CNTNAP2: variants seen among roughly 807,000 people sequenced by gnomAD.
CNTNAP2 encodes contactin-associated protein-like 2.
In CNTNAP2, 98 loss-of-function variants were observed where a neutral mutation model predicts 155.2. The ratio of observed to expected loss-of-function variants is 0.63; its 90% CI spans 0.54 to 0.75. CNTNAP2 has a LOEUF of 0.75. Ranked by LOEUF, CNTNAP2 falls within the 30% of genes least tolerant of loss-of-function variation. CNTNAP2 has a pLI of 0.00. For synonymous variants in CNTNAP2, 651 were observed against 631.2 expected (o/e 1.03, Z -0.47); for missense variants, 1,727 against 1,688.1 (o/e 1.02, Z -0.40).
intron 12 of CNTNAP2, among the ~76,000 whole-genome samples, chr7:147,613,273 T>C (rs149567248): frequency 6.6e-6 from 1 of 152,362 alleles, no homozygotes; most frequent in African/African-American, 2.4e-5. Context: ...TGATTAACCA[T>C]GTGGTTTACC....
chr7:148,079,211 C>T (rs1803551671), intron 15 of CNTNAP2, among the ~76,000 whole-genome samples: 1 of 152,166 alleles, frequency 6.6e-6, no homozygotes, highest in Non-Finnish European at 1.5e-5. Context: ...CGGGCTACAG[C>T]TTGGTTTTAT....
chr7:148,358,201 G>T (rs1798553803), intron 21 of CNTNAP2, among the ~76,000 whole-genome samples: 2 of 152,154 alleles, frequency 1.3e-5, no homozygotes, highest in South Asian at 4.2e-4. Flanking sequence ...AAGCAGGGTG[G>T]GTCAGAGCAC....
intron 1 of CNTNAP2, among the ~76,000 whole-genome samples, chr7:146,736,572 C>T (rs1180501671): frequency 1.3e-5 from 2 of 152,156 alleles, no homozygotes; most frequent in Non-Finnish European, 2.9e-5. Context: ...ACTAACTTGA[C>T]TGTTAGTTGC....
At chr7:146,266,564 T>C (rs537234577) in intron 1 of CNTNAP2, among the ~76,000 whole-genome samples, 4 of 152,276 alleles carry the variant, frequency 2.6e-5, no homozygotes, top group East Asian at 1.9e-4. Flanking sequence ...AAAATTGTTT[T>C]TGTTATAAGC....
At chr7:148,320,678 C>A (rs1008056087) in intron 21 of CNTNAP2, among the ~76,000 whole-genome samples, 2 of 152,108 alleles carry the variant, frequency 1.3e-5, no homozygotes, top group African/African-American at 2.4e-5. Context: ...GCCACCACAC[C>A]CAGCCAACAA....
rs910237225 is a variant in CNTNAP2 at position 146,229,997 on chromosome 7, C to T, written c.97+113024C>T. Among the ~76,000 whole-genome samples the T allele has an allele frequency of 9.9e-5, 15 of 152,064 alleles. No individual in the cohort carries two copies. In the East Asian group the frequency reaches 1.5e-3, roughly 16 times the overall value. ...AATATATAAACAAGCATTGAGTAAA[C>T]GGCAAGAAGGATAAAAGGCATTTTT... On this transcript the variant is annotated intron_variant, in intron 1 of 23. Transcript: ENST00000361727.
chr7:146,717,149 A>G (rs1214607439), intron 1 of CNTNAP2, among the ~76,000 whole-genome samples: 4 of 152,112 alleles, frequency 2.6e-5, no homozygotes, highest in Admixed American at 6.6e-5. Context: ...TATTATTTAG[A>G]AATAGTCCAC....
chr7:147,974,800 A>G lies in CNTNAP2; in HGVS notation c.2256-3062A>G, dbSNP rs1016804011. ...AAACATGTGTACTTTATGACCCAGC[A>G]TTTCTACTTTTAGGTAAATGCTTGA... On this transcript the variant is annotated intron_variant, in intron 14 of 23. Coordinates refer to ENST00000361727, the MANE Select transcript of CNTNAP2 (RefSeq NM_014141.6). Among the ~76,000 whole-genome samples the G allele has an allele frequency of 6.6e-5, 10 of 152,130 alleles. No homozygotes were observed. In the South Asian group the frequency reaches 2.1e-3, roughly 32 times the overall value.
intron 1 of CNTNAP2, among the ~76,000 whole-genome samples, chr7:146,313,508 C>T (rs151003617): frequency 2.6e-4 from 39 of 152,172 alleles, no homozygotes; most frequent in African/African-American, 8.7e-4. Flanking sequence ...CTCTCTTCAT[C>T]GAGTTGTTTC....
intron 1 of CNTNAP2, among the ~76,000 whole-genome samples, chr7:146,767,659 GAT>G (rs1258955263): frequency 6.6e-6 from 1 of 152,172 alleles, no homozygotes; most frequent in African/African-American, 2.4e-5. Context: ...TATAAGTGAA[GAT>G]ATATAAGCTA....
At chr7:147,190,752 A>AAACTGGTGACTTTATG (rs1271387076) in intron 8 of CNTNAP2, among the ~76,000 whole-genome samples, 1 of 152,222 alleles carries the variant, frequency 6.6e-6, no homozygotes, top group Non-Finnish European at 1.5e-5. Flanking sequence ...GTTGGCTGGC[A>AAACTGGTGACTTTATG]AACTGGTGAC....
At chr7:146,316,604 A>G (rs1003239927) in intron 1 of CNTNAP2, among the ~76,000 whole-genome samples, 2 of 152,154 alleles carry the variant, frequency 1.3e-5, no homozygotes, top group Non-Finnish European at 2.9e-5. Flanking sequence ...ACTTTCATGA[A>G]GCTGTGTTTG....
At chr7:146,254,478 A>C (rs759628521) in intron 1 of CNTNAP2, among the ~76,000 whole-genome samples, 2 of 152,220 alleles carry the variant, frequency 1.3e-5, no homozygotes, top group Non-Finnish European at 2.9e-5. Context: ...GAAAACAGGA[A>C]GTAAGACAGT....
At chr7:147,927,241 C>A (rs888751860) in intron 14 of CNTNAP2, among the ~76,000 whole-genome samples, 3 of 152,120 alleles carry the variant, frequency 2.0e-5, no homozygotes, top group Non-Finnish European at 2.9e-5. Context: ...CTATCATAAG[C>A]CTGCCAGCCA....
intron 15 of CNTNAP2, among the ~76,000 whole-genome samples, chr7:148,039,602 C>T (rs73468147): frequency 6.6e-6 from 1 of 152,102 alleles, no homozygotes; most frequent in Admixed American, 6.5e-5. Flanking sequence ...CCAGTACCAA[C>T]CCCTAGGTTT....
intron 15 of CNTNAP2, among the ~76,000 whole-genome samples, chr7:148,097,347 A>AAAAAAAAAAAAC (rs1803994927): frequency 6.7e-6 from 1 of 150,260 alleles, no homozygotes; most frequent in African/African-American, 2.4e-5. Context: ...TTGTAAAAAA[A>AAAAAAAAAAAAC]AAAAAAAAAA....
chr7:147,620,739 C>T (rs1801377777), intron 12 of CNTNAP2, among the ~76,000 whole-genome samples: 2 of 151,910 alleles, frequency 1.3e-5, no homozygotes, highest in Non-Finnish European at 1.5e-5. Flanking sequence ...AGCACATCTA[C>T]AGGATCTAGA....
intron 1 of CNTNAP2, among the ~76,000 whole-genome samples, chr7:146,483,274 TAAA>T (rs1172354064): frequency 1.2e-4 from 5 of 40,864 alleles, no homozygotes; most frequent in Non-Finnish European, 1.8e-4. Flanking sequence ...AGACTCCGTC[TAAA>T]AAAAAATATA....
intron 20 of CNTNAP2, among the ~76,000 whole-genome samples, chr7:148,247,647 A>ATT (rs1361087053): frequency 1.6e-5 from 2 of 125,762 alleles, no homozygotes; most frequent in African/African-American, 6.4e-5. Context: ...TTATTTATTT[A>ATT]TTTATTTATT....
Sources: allele counts gnomAD v4.1 joint callset (sites outside exome capture counted in the v4.1 genomes callset), GRCh38; gene constraint gnomAD v4.1.1; transcripts MANE v1.5; gene names NCBI Gene and HGNC (gene_info 2026-07-23, HGNC 2026-07-21).